PHACTR4: variants seen among roughly 807,000 people sequenced by gnomAD.
PHACTR4 encodes phosphatase and actin regulator 4.
PHACTR4 carries 51 observed loss-of-function variants against 72.7 expected under a neutral mutation model. The ratio of observed to expected loss-of-function variants is 0.70; its 90% confidence interval spans 0.56 to 0.89. The LOEUF (loss-of-function observed/expected upper bound fraction) is 0.89. Ranked by LOEUF, PHACTR4 falls within the 40% of genes least tolerant of loss-of-function variation. PHACTR4 has a pLI of 0.00. For synonymous variants in PHACTR4, 255 were observed against 302.5 expected (o/e 0.84, Z 1.63); for missense variants, 731 against 861.8 (o/e 0.85, Z 1.90).
chr1:28,370,816 G>A (rs115312350), intron 1 of PHACTR4, among the ~76,000 whole-genome samples: 2 of 152,088 alleles, frequency 1.3e-5, no homozygotes, highest in African/African-American at 4.8e-5. Flanking sequence ...AATTTCGGGC[G>A]TGGTGGCGCG....
At chr1:28,457,237 T>G (rs547980754) in intron 2 of PHACTR4, 9 of 408,928 alleles carry the variant, frequency 2.2e-5, no homozygotes, top group Admixed American at 8.7e-5. Context: ...AATTTGGCAG[T>G]TGTTTCTTTT....
intron 2 of PHACTR4, among the ~76,000 whole-genome samples, chr1:28,413,876 G>A (rs1473282029): frequency 6.6e-6 from 1 of 152,278 alleles, no homozygotes; most frequent in East Asian, 1.9e-4. Context: ...GGTTGCCTTT[G>A]GGTGAGCTTC....
intron 2 of PHACTR4, among the ~76,000 whole-genome samples, chr1:28,433,961 A>G (rs1365452642): frequency 6.6e-6 from 1 of 151,616 alleles, no homozygotes; most frequent in Non-Finnish European, 1.5e-5. Context: ...TTGTATTTTT[A>G]GTAGAGAGGG....
intron 6 of PHACTR4, among the ~76,000 whole-genome samples, chr1:28,469,722 G>A (rs1293006802): frequency 1.3e-5 from 2 of 152,034 alleles, no homozygotes; most frequent in Non-Finnish European, 1.5e-5. Context: ...GAATCTTTTT[G>A]TGTGTGTATG....
Position 28,460,230 on chromosome 1 carries a change from C to G in PHACTR4, c.209C>G (p.Ser70Cys). 1 of 1,613,270 alleles carries G rather than the reference C, an allele frequency of 6.2e-7. No homozygotes were observed. Among genetic ancestry groups the G allele is most frequent in the Non-Finnish European group, 8.5e-7 (1 of 1,179,576 alleles). ...ETSEVLERKI[S>C]MRKPREELVK... ...ATGTTAGTTTTAGAACGGAAAATAT[C>G]TATGCGAAAGCCAAGAGAAGAGCTG... is the stretch of plus-strand genomic sequence containing the variant. Residue 70 changes from serine to cysteine, a missense_variant, in exon 4 of 14, where the codon TCT becomes TGT. This residue lies in a region of PHACTR4 where 621 missense variants were observed against 676.6 expected (regional missense o/e 0.92). Transcript: ENST00000373839.
At chr1:28,438,291 G>A (rs535303177) in intron 2 of PHACTR4, 19 of 1,522,414 alleles carry the variant, frequency 1.2e-5, no homozygotes, top group African/African-American at 4.2e-5. Context: ...AAAGAGGACC[G>A]CATGTCCCCT....
At chr1:28,453,299 T>A (rs984395470) in intron 2 of PHACTR4, among the ~76,000 whole-genome samples, 1 of 152,130 alleles carries the variant, frequency 6.6e-6, no homozygotes, top group Non-Finnish European at 1.5e-5. Flanking sequence ...TAGTGCAATA[T>A]CATAAATCTT....
intron 8 of PHACTR4, among the ~76,000 whole-genome samples, chr1:28,477,799 A>G (rs888493736): frequency 3.2e-4 from 49 of 151,262 alleles, no homozygotes; most frequent in African/African-American, 1.2e-3. Flanking sequence ...CAATGCTCCA[A>G]CCTCAGCCTC....
At chr1:28,442,652 G>T (rs1224447356) in intron 2 of PHACTR4, among the ~76,000 whole-genome samples, 3 of 151,834 alleles carry the variant, frequency 2.0e-5, no homozygotes, top group African/African-American at 7.3e-5. Context: ...GACTACAGGT[G>T]CCCACCACTA....
At chr1:28,399,477 T>C (rs1653785579) in intron 1 of PHACTR4, among the ~76,000 whole-genome samples, 1 of 152,234 alleles carries the variant, frequency 6.6e-6, no homozygotes, top group South Asian at 2.1e-4. Context: ...TTTGAAGTTA[T>C]TTGGTTTTCT....
At chr1:28,442,119 C>A (rs1167874569) in intron 2 of PHACTR4, among the ~76,000 whole-genome samples, 1 of 152,114 alleles carries the variant, frequency 6.6e-6, no homozygotes, top group Admixed American at 6.5e-5. Context: ...ATCACATATC[C>A]TTAAATTAGG....
intron 1 of PHACTR4, among the ~76,000 whole-genome samples, chr1:28,388,088 G>T (rs911023203): frequency 1.3e-5 from 2 of 151,952 alleles, no homozygotes; most frequent in African/African-American, 4.8e-5. Flanking sequence ...CTACTTGGGA[G>T]CCTAAGGCAG....
chr1:28,423,409 A>AAATG (rs1286409203), intron 2 of PHACTR4, among the ~76,000 whole-genome samples: 1 of 46,804 alleles, frequency 2.1e-5, no homozygotes, highest in Non-Finnish European at 3.9e-5. Flanking sequence ...ATCCTGCCTC[A>AAATG]AATAAATAAA....
chr1:28,402,263 T>TG (rs1050117674), intron 1 of PHACTR4, among the ~76,000 whole-genome samples: 7 of 151,952 alleles, frequency 4.6e-5, no homozygotes, highest in Admixed American at 1.3e-4. Context: ...AGGGAATACC[T>TG]GGGGGGGAAA....
At chr1:28,408,666 A>AT (rs1428012179) in intron 2 of PHACTR4, among the ~76,000 whole-genome samples, 6 of 148,600 alleles carry the variant, frequency 4.0e-5, no homozygotes, top group Non-Finnish European at 7.4e-5. Context: ...GTATATATAT[A>AT]TATATTTTTT....
intron 2 of PHACTR4, among the ~76,000 whole-genome samples, chr1:28,447,366 C>T (rs778118104): frequency 1.3e-5 from 2 of 151,212 alleles, no homozygotes; most frequent in Non-Finnish European, 2.9e-5. Context: ...ATTATCACAA[C>T]CTACATATGT....
chr1:28,389,149 T>TCAAA (rs34618111), intron 1 of PHACTR4, among the ~76,000 whole-genome samples: 58,326 of 151,632 alleles, frequency 0.38, 12,853 homozygotes, highest in African/African-American at 0.6. Flanking sequence ...TATGAGGAAC[T>TCAAA]CAACAGCAAG....
At position 28,401,383 on chromosome 1, in the gene PHACTR4, T is replaced by C. The variant is rs529822225; in HGVS notation, c.-38-6027T>C. Among the ~76,000 whole-genome samples the C allele has an allele frequency of 2.7e-5, 4 of 149,330 alleles. No individual in the cohort carries two copies. The East Asian group carries it at 8.0e-4, about 30-fold the overall frequency. ...GTGCAGTGGCACGATCTTGGCTCAC[T>C]GCAACCTCCACCTCCCGAGTTCAAG... is the stretch of plus-strand genomic sequence containing the variant. On this transcript the variant is annotated intron_variant, in intron 1 of 13. Coordinates refer to ENST00000373839, the MANE Select transcript of PHACTR4 (RefSeq NM_001048183.3).
chr1:28,489,716 A>G (rs1660916084), intron 10 of PHACTR4: 5 of 513,978 alleles, frequency 9.7e-6, no homozygotes, highest in South Asian at 5.6e-5. Flanking sequence ...GTCTGTGTAC[A>G]TAATTAATTT....
Sources: allele counts gnomAD v4.1 joint callset (sites outside exome capture counted in the v4.1 genomes callset), GRCh38; gene constraint gnomAD v4.1.1; regional missense constraint gnomAD v4.1.1; transcripts MANE v1.5; gene names NCBI Gene and HGNC (gene_info 2026-07-23, HGNC 2026-07-21).